Variants in ASPH observed in about 807,000 individuals in gnomAD.
ASPH encodes aspartate beta-hydroxylase, also known as aspartyl/asparaginyl beta-hydroxylase.
ASPH carries 100 observed loss-of-function variants against 118.4 expected under a neutral mutation model. The observed-to-expected ratio is 0.84, with a 90% CI of 0.72 to 1.00. The LOEUF is 1.00. Ranked by LOEUF, ASPH falls within the 50% of genes least tolerant of loss-of-function variation. The pLI is 0.00. For missense variants in ASPH, 920 were observed against 919.5 expected (o/e 1.00, Z -0.01); for synonymous variants, 315 against 325.6 (o/e 0.97, Z 0.35).
intron 14 of ASPH, among the ~76,000 whole-genome samples, chr8:61,614,264 A>G (rs1848339849): frequency 6.6e-6 from 1 of 152,250 alleles, no homozygotes; most frequent in Non-Finnish European, 1.5e-5. Context: ...AAAAAATTTT[A>G]GGAAAAGTCC....
chr8:61,534,278 G>A (rs925944733), intron 21 of ASPH, among the ~76,000 whole-genome samples: 4 of 152,054 alleles, frequency 2.6e-5, no homozygotes, highest in Admixed American at 1.3e-4. Context: ...TCTAATAATT[G>A]AATTTTCTTT....
chr8:61,599,170 TA>T (rs1052218761), intron 14 of ASPH, among the ~76,000 whole-genome samples: 3 of 150,636 alleles, frequency 2.0e-5, no homozygotes, highest in African/African-American at 4.9e-5. Context: ...AAATAGGGAC[TA>T]AAAAAAAATT....
chr8:61,634,415 A>G (rs889729324), intron 12 of ASPH, among the ~76,000 whole-genome samples: 1 of 52,014 alleles, frequency 1.9e-5, no homozygotes, highest in Non-Finnish European at 4.8e-5. Flanking sequence ...CTTTGGCCAA[A>G]AGAAAGATTT....
At chr8:61,653,163 C>T (rs943404268) in intron 4 of ASPH, among the ~76,000 whole-genome samples, 1 of 152,010 alleles carries the variant, frequency 6.6e-6, no homozygotes, top group Non-Finnish European at 1.5e-5. Context: ...TAAACGAGAC[C>T]CTCATGTAAA....
intron 22 of ASPH, among the ~76,000 whole-genome samples, chr8:61,522,689 G>T (rs1163469765): frequency 6.6e-6 from 1 of 152,018 alleles, no homozygotes; most frequent in African/African-American, 2.4e-5. Flanking sequence ...CTGTGAAGAG[G>T]TGCCTTCCAC....
At chr8:61,579,505 G>C in intron 15 of ASPH, 4 of 1,576,344 alleles carry the variant, frequency 2.5e-6, no homozygotes, top group Non-Finnish European at 3.5e-6. Flanking sequence ...GCCTATGGGG[G>C]CCTCACAAGC....
At chr8:61,651,632 A>C (rs1183080001) in intron 4 of ASPH, among the ~76,000 whole-genome samples, 1 of 152,232 alleles carries the variant, frequency 6.6e-6, no homozygotes, top group Non-Finnish European at 1.5e-5. Context: ...GAGGTAGCCG[A>C]CTGCTCTCAC....
intron 3 of ASPH, chr8:61,675,224 ATAAGT>A: frequency 1.3e-6 from 1 of 750,914 alleles, no homozygotes; most frequent in East Asian, 1.3e-4. Context: ...TATCCAATTA[ATAAGT>A]TAATGAAGGA....
intron 16 of ASPH, among the ~76,000 whole-genome samples, chr8:61,570,405 G>T (rs1317618379): frequency 6.6e-6 from 1 of 152,146 alleles, no homozygotes; most frequent in Non-Finnish European, 1.5e-5. Flanking sequence ...AAAGATCCTG[G>T]AACTGGAGGT....
At chr8:61,676,278 C>CA in intron 3 of ASPH, 1 of 1,587,674 alleles carries the variant, frequency 6.3e-7, no homozygotes, top group Non-Finnish European at 8.5e-7. Context: ...AGGACTTCCT[C>CA]AAGAGAATCA....
At chr8:61,665,139 T>C in intron 3 of ASPH, 1 of 1,473,400 alleles carries the variant, frequency 6.8e-7, no homozygotes, top group Non-Finnish European at 9.0e-7. Flanking sequence ...ATACATTCAA[T>C]GGCTAATTTA....
intron 14 of ASPH, among the ~76,000 whole-genome samples, chr8:61,587,934 C>T (rs138851622): frequency 0.011 from 1,642 of 152,232 alleles, 12 homozygotes; most frequent in Non-Finnish European, 0.017. Flanking sequence ...GAACTCTCTC[C>T]AGCACTCTGG....
chr8:61,667,725 G>T (rs375509985), intron 3 of ASPH, among the ~76,000 whole-genome samples: 16 of 152,240 alleles, frequency 1.1e-4, no homozygotes, highest in Admixed American at 1.3e-4. Context: ...GTAATGTAGG[G>T]TTATACATTT....
intron 3 of ASPH, among the ~76,000 whole-genome samples, chr8:61,679,200 A>C (rs1368505848): frequency 2.0e-5 from 3 of 152,096 alleles, no homozygotes; most frequent in African/African-American, 7.2e-5. Context: ...AAGAGTAAAA[A>C]AGTATTTATG....
At chr8:61,536,879 C>G (rs949357767) in intron 21 of ASPH, among the ~76,000 whole-genome samples, 2 of 152,134 alleles carry the variant, frequency 1.3e-5, no homozygotes, top group African/African-American at 4.8e-5. Flanking sequence ...TACATATAGT[C>G]TGGCTACTGA....
intron 24 of ASPH, among the ~76,000 whole-genome samples, chr8:61,504,919 A>T (rs1297872489): frequency 6.6e-6 from 1 of 152,168 alleles, no homozygotes. Flanking sequence ...TTGGGAACTG[A>T]ACCTCTACTT....
chr8:61,663,271 A>G, intron 3 of ASPH: 1 of 985,300 alleles, frequency 1.0e-6, no homozygotes, highest in Non-Finnish European at 1.2e-6. Context: ...CCCATTCCAA[A>G]GCTTTGTGCA....
chr8:61,562,085 GCTAA>G (rs1309729703), intron 18 of ASPH, among the ~76,000 whole-genome samples: 9 of 152,108 alleles, frequency 5.9e-5, no homozygotes, highest in African/African-American at 1.2e-4. Context: ...TTACAGAGGC[GCTAA>G]CTTTCTCCAT....
intron 3 of ASPH, chr8:61,668,200 T>C (rs780131351): frequency 5.7e-5 from 89 of 1,563,182 alleles, no homozygotes; most frequent in Non-Finnish European, 7.5e-5. Flanking sequence ...TTAAACTTGA[T>C]TCACTCAAGG....
Sources: gnomAD v4.1 joint callset for allele counts (sites outside exome capture counted in the v4.1 genomes callset) on GRCh38, gnomAD v4.1.1 for gene constraint, MANE v1.5 for transcripts, NCBI Gene and HGNC (gene_info 2026-07-23, HGNC 2026-07-21) for gene names.